The following MSI2 variants were observed in gnomAD, a reference collection of about 807,000 sequenced individuals.
MSI2 encodes the protein RNA-binding protein Musashi homolog 2.
A neutral mutation model predicts 45.6 loss-of-function variants in MSI2; 17 were observed. That is an observed-to-expected ratio of 0.37 (90% CI 0.26 to 0.56). The LOEUF (loss-of-function observed/expected upper bound fraction) is 0.56, where lower values mean the gene tolerates loss of function less well. Ranked by LOEUF, MSI2 falls within the 20% of genes least tolerant of loss-of-function variation. The pLI is 0.77. For synonymous variants in MSI2, 156 were observed against 158.2 expected, an observed-to-expected ratio of 0.99 and a Z score of 0.11; for missense variants, 293 against 444.2, an observed-to-expected ratio of 0.66 and a Z score of 3.06.
chr17:57,482,357 G>A (rs748508131), intron 6 of MSI2, among the ~76,000 whole-genome samples: 2 of 152,144 alleles, frequency 1.3e-5, no homozygotes, highest in African/African-American at 4.8e-5. Flanking sequence ...TATTTTGATG[G>A]GCAAAGAAAA....
chr17:57,286,062 C>G (rs1598072449), intron 5 of MSI2: 1 of 1,119,810 alleles, frequency 8.9e-7, no homozygotes, highest in East Asian at 2.8e-5. Context: ...CTCTTTCTGT[C>G]TTTCCCTCCC....
In MSI2 at chr17:57,323,003, G is replaced by A. The variant is rs78150530; in HGVS notation, c.312+60811G>A. The stretch of plus-strand genomic sequence containing the variant: ...AGAATAATCTAGTGTATATTGGGGC[G>A]GGGAGCATATTGGTGGGGGGAGAGG... On this transcript the variant is annotated intron_variant, in intron 5 of 13. Coordinates refer to ENST00000284073, the MANE Select transcript of MSI2 (RefSeq NM_138962.4). 6.8e-3 allele frequency among the ~76,000 whole-genome samples: 1,041 copies of A among 152,074 alleles called. 9 individuals are homozygous for A. Among genetic ancestry groups the A allele is most frequent in the African/African-American group, 0.022 (932 of 41,470 alleles).
At chr17:57,464,846 A>T (rs529834523) in intron 6 of MSI2, among the ~76,000 whole-genome samples, 2 of 152,298 alleles carry the variant, frequency 1.3e-5, no homozygotes, top group African/African-American at 4.8e-5. Context: ...CTTGGTTCTG[A>T]GTTGAAAACG....
intron 5 of MSI2, among the ~76,000 whole-genome samples, chr17:57,272,037 C>G (rs1399298376): frequency 6.6e-6 from 1 of 152,034 alleles, no homozygotes; most frequent in African/African-American, 2.4e-5. Flanking sequence ...AATGAGGTGA[C>G]CGCTCTGGTG....
intron 6 of MSI2, among the ~76,000 whole-genome samples, chr17:57,470,102 G>A (rs1237889873): frequency 6.6e-6 from 1 of 152,084 alleles, no homozygotes; most frequent in Admixed American, 6.5e-5. Flanking sequence ...CTGCGGGCCT[G>A]TCAGGTGCTG....
chr17:57,348,147 G>T (rs1915765649), intron 5 of MSI2, among the ~76,000 whole-genome samples: 1 of 152,184 alleles, frequency 6.6e-6, no homozygotes, highest in South Asian at 2.1e-4. Context: ...TGCATGCTTT[G>T]GCACCTTCCT....
chr17:57,316,134 G>A (rs1282962225), intron 5 of MSI2, among the ~76,000 whole-genome samples: 5 of 151,958 alleles, frequency 3.3e-5, no homozygotes, highest in African/African-American at 1.2e-4. Context: ...GTGCCCTCTT[G>A]TACTGTTAAC....
rs2143152945 is a variant in MSI2 at position 57,407,291 on chromosome 17, G to GT, written c.405+5821dup. Reference sequence around the variant, plus strand: ...CCCAGCTCCGGGGTTTTCTGTGCAGGTGCGAAGCTGCATTCATGGCCCCCA... The same window carrying GT: ...CCCAGCTCCGGGGTTTTCTGTGCAGGTTGCGAAGCTGCATTCATGGCCCCCA... On this transcript the variant is annotated intron_variant, in intron 6 of 13. Coordinates refer to ENST00000284073, the MANE Select transcript of MSI2 (RefSeq NM_138962.4). The surrounding 1 kb of genome is among the most constrained non-coding windows in gnomAD (Gnocchi z 4.1). 6.6e-6 allele frequency among the ~76,000 whole-genome samples: 1 copy of GT among 152,250 alleles called. No individual in the cohort carries two copies. Among genetic ancestry groups the GT allele is most frequent in the Admixed American group, 6.5e-5 (1 of 15,306 alleles).
intron 7 of MSI2, among the ~76,000 whole-genome samples, chr17:57,542,601 T>A (rs145322390): frequency 6.6e-6 from 1 of 152,358 alleles, no homozygotes; most frequent in Non-Finnish European, 1.5e-5. Context: ...GACTGAAAGA[T>A]GGAGCCCTGG....
At chr17:57,595,649 C>T (rs984370107) in intron 7 of MSI2, among the ~76,000 whole-genome samples, 2 of 151,694 alleles carry the variant, frequency 1.3e-5, no homozygotes, top group African/African-American at 2.4e-5. Flanking sequence ...CCCATCCTCA[C>T]GAACTCATCA....
intron 2 of MSI2, 45 bp downstream of exon 2, chr17:57,257,183 T>C: frequency 7.5e-7 from 1 of 1,332,250 alleles, no homozygotes; most frequent in Non-Finnish European, 1.0e-6. Flanking sequence ...CCTTCTTGGC[T>C]TCTTTATTGC....
At chr17:57,558,693 T>C (rs1283919342) in intron 7 of MSI2, among the ~76,000 whole-genome samples, 1 of 152,236 alleles carries the variant, frequency 6.6e-6, no homozygotes, top group Non-Finnish European at 1.5e-5. Context: ...GCTTGCTGGA[T>C]CCCGCTGTCT....
At chr17:57,309,163 T>A (rs1173068865) in intron 5 of MSI2, among the ~76,000 whole-genome samples, 1 of 152,246 alleles carries the variant, frequency 6.6e-6, no homozygotes, top group East Asian at 1.9e-4. Context: ...TAAGTGAAAA[T>A]GCACTGTAGA....
In MSI2 at chr17:57,552,858, G is replaced by A. The variant is rs910435018; in HGVS notation, c.454+23134G>A. 1.3e-5 allele frequency among the ~76,000 whole-genome samples: 2 copies of A among 152,122 alleles called. No homozygotes were observed. Among genetic ancestry groups the A allele is most frequent in the African/African-American group, 2.4e-5 (1 of 41,428 alleles). ...GTGGGGACATAAATATAAACAACCC[G>A]GAAATCACTGCCCCTAGAATTCACA... On this transcript the variant is annotated intron_variant, in intron 7 of 13. Coordinates refer to ENST00000284073, the MANE Select transcript of MSI2 (RefSeq NM_138962.4). The surrounding 1 kb of genome is among the most constrained non-coding windows in gnomAD (Gnocchi z 4.3).
chr17:57,529,518 T>TC lies in MSI2; in HGVS notation c.406-158_406-157insC, dbSNP rs1361922023. Among the ~76,000 whole-genome samples, 1 of 151,660 alleles carries TC rather than the reference T, an allele frequency of 6.6e-6. No homozygotes were observed. The highest frequency in any genetic ancestry group is 1.5e-5 in the Non-Finnish European group (1 of 67,918). ...GTGTGGAGTGGAAAGACCACTGTTTTTTTTTCTTTCTACTTTTTTGCATTT... is the reference window on the plus strand; with the variant it reads ...GTGTGGAGTGGAAAGACCACTGTTTTCTTTTTCTTTCTACTTTTTTGCATTT... On this transcript the variant is annotated intron_variant, in intron 6 of 13. Transcript: ENST00000284073. The surrounding 1 kb of genome is among the most constrained non-coding windows in gnomAD (Gnocchi z 5.3).
At chr17:57,677,172 T>C (rs1913291841) in intron 13 of MSI2, 113 bp downstream of exon 13, 1 of 748,092 alleles carries the variant, frequency 1.3e-6, no homozygotes, top group Admixed American at 2.0e-5. Flanking sequence ...CATCTCTCTC[T>C]CCTCTTTCTG....
At chr17:57,637,134 CT>C (rs1598480228) in intron 10 of MSI2, among the ~76,000 whole-genome samples, 1 of 152,214 alleles carries the variant, frequency 6.6e-6, no homozygotes, top group East Asian at 1.9e-4. Flanking sequence ...CACAAGCGAG[CT>C]CCCTCATGGC....
At chr17:57,377,784 G>A (rs954863261) in intron 5 of MSI2, among the ~76,000 whole-genome samples, 10 of 151,942 alleles carry the variant, frequency 6.6e-5, no homozygotes, top group African/African-American at 2.4e-4. Flanking sequence ...CACTTCAGAA[G>A]TGAAGGCATG....
intron 5 of MSI2, among the ~76,000 whole-genome samples, chr17:57,315,321 A>C (rs980602476): frequency 6.6e-6 from 1 of 151,692 alleles, no homozygotes; most frequent in Non-Finnish European, 1.5e-5. Flanking sequence ...TTTGCCTGTC[A>C]TTGGGGGTGA....
Sources: allele counts gnomAD v4.1 joint callset (sites outside exome capture counted in the v4.1 genomes callset), GRCh38; gene constraint gnomAD v4.1.1; non-coding constraint Gnocchi (gnomAD v3.1); transcripts MANE v1.5; gene names NCBI Gene and HGNC (gene_info 2026-07-23, HGNC 2026-07-21).